Variants in DUSP3 observed in about 807,000 individuals in gnomAD.
The protein encoded by DUSP3 is dual specificity protein phosphatase 3.
Under a neutral mutation model 15.5 loss-of-function variants are expected in DUSP3, and 7 were observed. That is an observed-to-expected ratio of 0.45 (90% confidence interval 0.26 to 0.85). The LOEUF (loss-of-function observed/expected upper bound fraction) is 0.85, where lower values mean the gene tolerates loss of function less well. DUSP3 is among the 40% of genes least tolerant of loss of function. The probability of loss-of-function intolerance (pLI) is 0.18; values close to 1 mark genes in which losing one functional copy is unlikely to be tolerated. For missense variants in DUSP3, 209 were observed against 251.7 expected (o/e 0.83, Z 1.15); for synonymous variants, 86 against 104.2 (o/e 0.83, Z 1.07).
At position 43,766,404 on chromosome 17, in the gene DUSP3, C is replaced by T. The variant is rs1974242249; in HGVS notation, c.*3205G>A. 6.6e-6 allele frequency: 1 copy of T among 152,096 alleles called. No homozygotes were observed. The highest frequency in any genetic ancestry group is 1.5e-5 in the Non-Finnish European group (1 of 68,034). 9.4% of individuals were successfully genotyped at this position (152,096 alleles called of 1,614,324 possible). On this transcript the variant is annotated 3_prime_UTR_variant, in exon 3 of 3. Coordinates refer to ENST00000226004, the MANE Select transcript of DUSP3 (RefSeq NM_004090.4). ...CTTGACTTACTTGCAAGGACTATCA[C>T]GGTTAGCCCTTCAGTGATTCCTGAC...
intron 2 of DUSP3, among the ~76,000 whole-genome samples, chr17:43,771,967 G>C (rs1220292390): frequency 6.9e-6 from 1 of 145,628 alleles, no homozygotes; most frequent in African/African-American, 2.6e-5. Context: ...CTGAGATTGA[G>C]CCACTGTACT....
rs1170291545 is a variant in DUSP3 at position 43,768,575 on chromosome 17, G to A, written c.*1034C>T. Reference sequence around the variant, plus strand: ...CCTGGGACCTTTCACTTCCCTGCTTGTCTTCTGGCCGCGTTTCTGAGAGGC... The same window carrying A: ...CCTGGGACCTTTCACTTCCCTGCTTATCTTCTGGCCGCGTTTCTGAGAGGC... On this transcript the variant is annotated 3_prime_UTR_variant, in exon 3 of 3. Transcript: ENST00000226004. 3.3e-5 allele frequency: 5 copies of A among 152,190 alleles called. No individual in the cohort carries two copies. Among genetic ancestry groups the A allele is most frequent in the African/African-American group, 1.2e-4 (5 of 41,406 alleles). 9.4% of individuals were successfully genotyped at this position (152,190 alleles called of 1,614,324 possible).
At position 43,769,768 on chromosome 17, in the gene DUSP3, C is replaced by A. The variant is rs752171783; in HGVS notation, c.399G>T (p.Thr133=). 3.0e-5 allele frequency: 49 copies of A among 1,613,950 alleles called. No individual in the cohort carries two copies. Among genetic ancestry groups the A allele is most frequent in the Non-Finnish European group, 3.8e-5 (45 of 1,180,018 alleles). The change falls in exon 3 of 3, where the codon ACG becomes ACT. Residue 133 remains threonine (T), a synonymous_variant. Transcript: ENST00000226004. ...GCATCATGAGGTAGGCGATAACTAG[C>A]GTTGGGGAGCGGCTATAACCTTCCC... The part of the protein sequence containing the change: ...HCREGYSRSP[T]LVIAYLMMRQ...
At chr17:43,774,981 G>A in intron 1 of DUSP3, 43 bp from the exon 2 acceptor site, 1 of 1,590,310 alleles carries the variant, frequency 6.3e-7, no homozygotes, top group Non-Finnish European at 8.6e-7. Context: ...CAACCAAATG[G>A]CAGCCCCAGG....
At position 43,769,587 on chromosome 17, in the gene DUSP3, G is replaced by T. The variant is rs369228667; in HGVS notation, c.*22C>A. On this transcript the variant is annotated 3_prime_UTR_variant, in exon 3 of 3. Transcript: ENST00000226004. ...CCACGGCCTCCCCCACGGACCTCTCGAGCAGAGGTGGTGGGGGTGCCCTAG... is the reference window on the plus strand; with the variant it reads ...CCACGGCCTCCCCCACGGACCTCTCTAGCAGAGGTGGTGGGGGTGCCCTAG... 6.2e-7 allele frequency: 1 copy of T among 1,610,032 alleles called. No individual in the cohort carries two copies. Among genetic ancestry groups the T allele is most frequent in the South Asian group, 1.1e-5 (1 of 90,884 alleles).
rs1188328360 is a variant in DUSP3 at position 43,769,403 on chromosome 17, G to A, written c.*206C>T. 4.2e-5 allele frequency: 24 copies of A among 569,892 alleles called. No individual in the cohort carries two copies. The highest frequency in any genetic ancestry group is 6.4e-5 in the Non-Finnish European group (21 of 328,256). 35.3% of individuals were successfully genotyped at this position (569,892 alleles called of 1,614,324 possible). A position where few individuals can be genotyped will look rare whatever the true frequency, so the allele number is the denominator to read the frequency against. On this transcript the variant is annotated 3_prime_UTR_variant, in exon 3 of 3. Coordinates refer to ENST00000226004, the MANE Select transcript of DUSP3 (RefSeq NM_004090.4). ...AAGTTACAGAAACAGGACAACTGGG[G>A]AGCAAGGACGCCCCCCTTGGCAAGC...
intron 2 of DUSP3, among the ~76,000 whole-genome samples, chr17:43,771,022 A>ATG (rs965394405): frequency 9.3e-6 from 1 of 107,648 alleles, no homozygotes; most frequent in Non-Finnish European, 2.0e-5. Context: ...GTGTGTGTGT[A>ATG]TGTGTGTGTA....
intron 2 of DUSP3, among the ~76,000 whole-genome samples, chr17:43,773,004 T>C (rs1974337665): frequency 6.6e-6 from 1 of 152,082 alleles, no homozygotes; most frequent in Admixed American, 6.6e-5. Flanking sequence ...ACAAAATCCT[T>C]CCCCTTCGCC....
intron 1 of DUSP3, 114 bp from the exon 2 acceptor site, chr17:43,775,052 G>A: frequency 1.9e-6 from 2 of 1,069,452 alleles, no homozygotes; most frequent in Non-Finnish European, 2.8e-6. Flanking sequence ...TCCATGCTCT[G>A]GCCCCTGCCA....
At chr17:43,769,853 C>T in intron 2 of DUSP3, 39 bp from the exon 3 acceptor site, 2 of 1,608,030 alleles carry the variant, frequency 1.2e-6, no homozygotes, top group Non-Finnish European at 1.7e-6. Context: ...CTGGGGGCGT[C>T]CCATCACACC....
rs142085768 is a variant in DUSP3 at position 43,769,778 on chromosome 17, C to T, written c.389G>A (p.Arg130His). 9 of 1,614,006 alleles carry T rather than the reference C, an allele frequency of 5.6e-6. No homozygotes were observed. Among genetic ancestry groups the T allele is most frequent in the Non-Finnish European group, 7.6e-6 (9 of 1,179,990 alleles). The part of the protein sequence containing the change: ...VLVHCREGYS[R>H]SPTLVIAYLM... Reference sequence around the variant, plus strand: ...GTAGGCGATAACTAGCGTTGGGGAGCGGCTATAACCTTCCCGGCAGTGGAC... The same window carrying T: ...GTAGGCGATAACTAGCGTTGGGGAGTGGCTATAACCTTCCCGGCAGTGGAC... The change falls in exon 3 of 3, where the codon CGC (arginine) becomes CAC (histidine). Residue 130 changes from arginine (R) to histidine (H), a missense_variant. Transcript: ENST00000226004.
intron 1 of DUSP3, chr17:43,777,461 C>T: frequency 2.2e-6 from 1 of 455,154 alleles, no homozygotes; most frequent in Non-Finnish European, 4.4e-6. Context: ...TCCATGATGA[C>T]CCCCATTTCC....
At position 43,766,854 on chromosome 17, in the gene DUSP3, GCT is replaced by G. The variant is rs953458266; in HGVS notation, c.*2753_*2754del. The G allele has an allele frequency of 3.9e-5, 6 of 152,088 alleles. No homozygotes were observed. Among genetic ancestry groups the G allele is most frequent in the Admixed American group, 3.3e-4 (5 of 15,256 alleles). The allele number at this position is 152,088 out of a possible 1,614,324, so 9.4% of individuals were successfully genotyped here. On this transcript the variant is annotated 3_prime_UTR_variant, in exon 3 of 3. Transcript: ENST00000226004. Reference sequence around the variant, plus strand: ...GGCGCTCTAATTTTGCCTGGATGGTGCTCTGTCAGTCAAAGAAAGGGAACAGG... The same window carrying G: ...GGCGCTCTAATTTTGCCTGGATGGTGCTGTCAGTCAAAGAAAGGGAACAGG...
chr17:43,776,532 C>T (rs997220680), intron 1 of DUSP3, among the ~76,000 whole-genome samples: 6 of 152,254 alleles, frequency 3.9e-5, no homozygotes, highest in East Asian at 1.9e-4. Context: ...GACGTGGCTG[C>T]GGCCCTGATT....
rs569745264 is a variant in DUSP3 at position 43,778,916 on chromosome 17, G to A, written c.9C>T (p.Gly3=). 15 of 1,464,680 alleles carry A rather than the reference G, an allele frequency of 1.0e-5. No individual in the cohort carries two copies. In the Admixed American group the frequency reaches 2.6e-4, roughly 26 times the overall value. The allele number at this position is 1,464,680 out of a possible 1,614,324, so 90.7% of individuals were successfully genotyped here. Residue 3 remains glycine, a synonymous_variant, in exon 1 of 3, where the codon GGC becomes GGT. Coordinates refer to ENST00000226004, the MANE Select transcript of DUSP3 (RefSeq NM_004090.4). The stretch of plus-strand genomic sequence containing the variant: ...GATCCTGCACCGAGAGCTCGAACGA[G>A]CCCGACATGGCGGCGGCGGGGCCCT... MS[G]SFELSVQDLN...
intron 2 of DUSP3, among the ~76,000 whole-genome samples, chr17:43,774,347 GC>G (rs1449770612): frequency 6.6e-6 from 1 of 152,032 alleles, no homozygotes; most frequent in African/African-American, 2.4e-5. Flanking sequence ...TAATCAACCA[GC>G]CCCCATGCTC....
intron 2 of DUSP3, among the ~76,000 whole-genome samples, chr17:43,772,635 A>G (rs1974333622): frequency 6.6e-6 from 1 of 152,182 alleles, no homozygotes; most frequent in African/African-American, 2.4e-5. Context: ...TCTTAGAAGC[A>G]TTTATACTTG....
chr17:43,772,305 T>C (rs1974329715), intron 2 of DUSP3, among the ~76,000 whole-genome samples: 1 of 152,182 alleles, frequency 6.6e-6, no homozygotes, highest in Non-Finnish European at 1.5e-5. Context: ...CCGGCCTGTA[T>C]GCCCGAAATA....
chr17:43,768,610 A>C lies in DUSP3; in HGVS notation c.*999T>G, dbSNP rs1054755062. 2 of 152,212 alleles carry C rather than the reference A, an allele frequency of 1.3e-5. No homozygotes were observed. Among genetic ancestry groups the C allele is most frequent in the South Asian group, 4.1e-4 (2 of 4,826 alleles). 9.4% of individuals were successfully genotyped at this position (152,212 alleles called of 1,614,324 possible). A position where few individuals can be genotyped will look rare whatever the true frequency, so the allele number is the denominator to read the frequency against. On this transcript the variant is annotated 3_prime_UTR_variant, in exon 3 of 3. Transcript: ENST00000226004. The stretch of plus-strand genomic sequence containing the variant: ...CGCGTTTCTGAGAGGCACGCCCCCC[A>C]CACACATCCATGCACACACGCTGTA...
Sources: gnomAD v4.1 joint callset for allele counts (sites outside exome capture counted in the v4.1 genomes callset) on GRCh38, gnomAD v4.1.1 for gene constraint, MANE v1.5 for transcripts, NCBI Gene and HGNC (gene_info 2026-07-23, HGNC 2026-07-21) for gene names.